Variants in DLGAP1 observed in about 807,000 individuals in gnomAD.
The protein encoded by DLGAP1 is disks large-associated protein 1.
DLGAP1 carries 11 observed loss-of-function variants against 90.8 expected under a neutral mutation model. That is an observed-to-expected ratio of 0.12 (90% CI 0.08 to 0.20). DLGAP1 has a LOEUF of 0.20. Ranked by LOEUF, DLGAP1 falls within the 10% of genes least tolerant of loss-of-function variation. The pLI is 1.00. For synonymous variants in DLGAP1, 558 were observed against 540.7 expected (o/e 1.03, Z -0.44); for missense variants, 1,050 against 1,333.8 (o/e 0.79, Z 3.31).
chr18:4,382,677 T>G (rs1374985443), intron 1 of DLGAP1, among the ~76,000 whole-genome samples: 1 of 152,112 alleles, frequency 6.6e-6, no homozygotes, highest in African/African-American at 2.4e-5. Flanking sequence ...ACTTGCTAAC[T>G]CTAAAAGATA....
intron 3 of DLGAP1, among the ~76,000 whole-genome samples, chr18:3,934,513 CAGAG>C (rs572044923): frequency 2.7e-5 from 4 of 149,866 alleles, no homozygotes; most frequent in Admixed American, 6.7e-5. Flanking sequence ...GAGTGGCAGA[CAGAG>C]AGAGAGAGAG....
At chr18:4,193,057 T>C (rs1181345051) in intron 1 of DLGAP1, among the ~76,000 whole-genome samples, 1 of 152,252 alleles carries the variant, frequency 6.6e-6, no homozygotes, top group African/African-American at 2.4e-5. Context: ...TGTTTGTCAT[T>C]TGCGCAGGCT....
intron 4 of DLGAP1, among the ~76,000 whole-genome samples, chr18:3,830,073 T>C (rs1470504976): frequency 6.6e-6 from 1 of 152,204 alleles, no homozygotes; most frequent in Non-Finnish European, 1.5e-5. Flanking sequence ...TCACTGGTTG[T>C]TCAGGAGACC....
At chr18:4,131,147 C>G (rs2144207806) in intron 2 of DLGAP1, among the ~76,000 whole-genome samples, 1 of 151,852 alleles carries the variant, frequency 6.6e-6, no homozygotes, top group African/African-American at 2.4e-5. Flanking sequence ...CAGAAAGAAA[C>G]AAAGACCGTT....
intron 7 of DLGAP1, among the ~76,000 whole-genome samples, chr18:3,594,945 G>T (rs149629068): frequency 6.6e-6 from 1 of 152,284 alleles, no homozygotes; most frequent in East Asian, 1.9e-4. Flanking sequence ...TATTTGCAAG[G>T]ATTACTTAGG....
rs921036460 is a variant in DLGAP1, at chr18:4,069,109, C to A, written c.-158-63908G>T. Among the ~76,000 whole-genome samples the A allele has an allele frequency of 9.9e-5, 15 of 152,232 alleles. No individual in the cohort carries two copies. The East Asian group carries it at 1.7e-3, about 18-fold the overall frequency. On this transcript the variant is annotated intron_variant, in intron 2 of 12. Coordinates refer to ENST00000315677, the MANE Select transcript of DLGAP1 (RefSeq NM_004746.4). The stretch of plus-strand genomic sequence containing the variant: ...ATATAGATAGATATTACCTGGCATG[C>A]AGCACAATCATGACTGTGCTTAAGA...
chr18:4,382,650 G>T (rs2144334575), intron 1 of DLGAP1, among the ~76,000 whole-genome samples: 1 of 152,058 alleles, frequency 6.6e-6, no homozygotes, highest in South Asian at 2.1e-4. Flanking sequence ...TGGCTCCTGG[G>T]TTTAAATAAA....
chr18:4,376,873 C>T (rs650895), intron 1 of DLGAP1, among the ~76,000 whole-genome samples: 131,288 of 152,158 alleles, frequency 0.86, 57,095 homozygotes, highest in East Asian at 0.96. Flanking sequence ...ACTAAACTAT[C>T]AACCTAAAAC....
chr18:3,620,547 TA>T (rs1555604159), intron 7 of DLGAP1, among the ~76,000 whole-genome samples: 2 of 33,498 alleles, frequency 6.0e-5, no homozygotes, highest in Non-Finnish European at 1.3e-4. Context: ...TATCACATTT[TA>T]TTATTATTAT....
intron 1 of DLGAP1, among the ~76,000 whole-genome samples, chr18:4,445,982 C>T (rs188128718): frequency 2.6e-5 from 4 of 152,158 alleles, no homozygotes; most frequent in Admixed American, 2.6e-4. Flanking sequence ...CCCTGAGGCT[C>T]CTTGTCCTAG....
intron 4 of DLGAP1, among the ~76,000 whole-genome samples, chr18:3,833,130 ATT>A (rs2068126934): frequency 2.0e-4 from 21 of 107,486 alleles, no homozygotes; most frequent in Non-Finnish European, 3.8e-4. Flanking sequence ...GAATTATAAG[ATT>A]CCTTCCTTCC....
At chr18:4,375,986 A>G (rs968986805) in intron 1 of DLGAP1, among the ~76,000 whole-genome samples, 2 of 152,168 alleles carry the variant, frequency 1.3e-5, no homozygotes, top group African/African-American at 4.8e-5. Flanking sequence ...GATGATTTTA[A>G]TTTATAATGC....
intron 1 of DLGAP1, among the ~76,000 whole-genome samples, chr18:4,334,260 AAAAC>A (rs2081020875): frequency 6.6e-6 from 1 of 151,594 alleles, no homozygotes. Flanking sequence ...AACAAACAAA[AAAAC>A]AACGCTCACC....
intron 3 of DLGAP1, among the ~76,000 whole-genome samples, chr18:3,931,680 G>A (rs898574314): frequency 6.6e-6 from 1 of 152,162 alleles, no homozygotes; most frequent in South Asian, 2.1e-4. Context: ...AAGCATCTAA[G>A]GACATATTGC....
intron 1 of DLGAP1, among the ~76,000 whole-genome samples, chr18:4,311,747 G>A (rs940077836): frequency 1.3e-5 from 2 of 151,956 alleles, no homozygotes; most frequent in East Asian, 1.9e-4. Flanking sequence ...ACAGAATCTC[G>A]CTCTGTCGCC....
chr18:4,273,945 T>C (rs1294067951), intron 1 of DLGAP1, among the ~76,000 whole-genome samples: 1 of 152,226 alleles, frequency 6.6e-6, no homozygotes, highest in Non-Finnish European at 1.5e-5. Context: ...CAATTTTTTT[T>C]ATCTTTCTGA....
intron 1 of DLGAP1, among the ~76,000 whole-genome samples, chr18:4,333,617 T>C (rs548349601): frequency 4.0e-4 from 59 of 148,760 alleles, no homozygotes; most frequent in South Asian, 3.1e-3. Flanking sequence ...ATTATATATA[T>C]ATATAATTTT....
chr18:3,600,747 GATATATATAGAT>G lies in DLGAP1; in HGVS notation c.1592-18511_1592-18500del, dbSNP rs1568277631. 1.3e-4 allele frequency among the ~76,000 whole-genome samples: 3 copies of G among 22,452 alleles called. No homozygotes were observed. In the South Asian group the frequency reaches 3.4e-3, roughly 25 times the overall value. The allele number at this position is 22,452 out of a possible 152,430, so 14.7% of individuals were successfully genotyped here. A position where few individuals can be genotyped will look rare whatever the true frequency, so the allele number is the denominator to read the frequency against. On this transcript the variant is annotated intron_variant, in intron 7 of 12. Coordinates refer to ENST00000315677, the MANE Select transcript of DLGAP1 (RefSeq NM_004746.4). ...AGATATAGATATATATAGATATATA[GATATATATAGAT>G]ATATAGATATATATAGATATATAGA...
intron 9 of DLGAP1, among the ~76,000 whole-genome samples, chr18:3,547,040 G>A (rs1478930979): frequency 6.6e-6 from 1 of 151,840 alleles, no homozygotes; most frequent in Non-Finnish European, 1.5e-5. Context: ...GGTGGCTCAC[G>A]CCTGTAATCC....
Sources: gnomAD v4.1 joint callset for allele counts (sites outside exome capture counted in the v4.1 genomes callset) on GRCh38, gnomAD v4.1.1 for gene constraint, MANE v1.5 for transcripts, NCBI Gene and HGNC (gene_info 2026-07-23, HGNC 2026-07-21) for gene names.